Variants in IGF1R observed in about 807,000 individuals in gnomAD.
The protein encoded by IGF1R is insulin-like growth factor 1 receptor.
Under a neutral mutation model 144.6 loss-of-function variants are expected in IGF1R, and 44 were observed. The ratio of observed to expected loss-of-function variants is 0.30; its 90% CI spans 0.24 to 0.39. The LOEUF (loss-of-function observed/expected upper bound fraction) is 0.39, where lower values mean the gene tolerates loss of function less well. IGF1R is among the 10% of genes least tolerant of loss of function. The pLI, the probability that IGF1R is intolerant of heterozygous loss-of-function variation, is 1.00. For missense variants in IGF1R, 1,355 were observed against 1,833.7 expected, an observed-to-expected ratio of 0.74 and a Z score of 4.77; for synonymous variants, 795 against 722.8, an observed-to-expected ratio of 1.10 and a Z score of -1.60.
chr15:98,698,290 G>T (rs553724444), intron 1 of IGF1R, among the ~76,000 whole-genome samples: 2 of 152,172 alleles, frequency 1.3e-5, no homozygotes, highest in Admixed American at 6.5e-5. Flanking sequence ...GCCTGCCTCG[G>T]CCTCCCAAAG....
rs759627092 is a variant in IGF1R, at chr15:98,957,348, G to A, written c.4010G>A (p.Arg1337His). 25 of 1,612,084 alleles carry A rather than the reference G, an allele frequency of 1.6e-5. No homozygotes were observed. Among genetic ancestry groups the A allele is most frequent in the Admixed American group, 6.7e-5 (4 of 59,994 alleles). The change falls in exon 21 of 21, where the codon CGC becomes CAC. Residue 1337 changes from arginine to histidine, a missense_variant. This residue lies in a region of IGF1R where 219 missense variants were observed against 188.8 expected (regional missense o/e 1.16). Coordinates refer to ENST00000650285, the MANE Select transcript of IGF1R (RefSeq NM_000875.5). ...NGPGPGVLVL[R>H]ASFDERQPYA... ...CCCGGCCCTGGGGTGCTGGTCCTCC[G>A]CGCCAGCTTCGACGAGAGACAGCCT...
At chr15:98,665,203 G>T (rs955968066) in intron 1 of IGF1R, among the ~76,000 whole-genome samples, 4 of 152,056 alleles carry the variant, frequency 2.6e-5, no homozygotes, top group African/African-American at 9.7e-5. Context: ...CGCCCACCTC[G>T]GCCTCCCAAA....
intron 19 of IGF1R, among the ~76,000 whole-genome samples, chr15:98,944,210 C>T (rs2016469765): frequency 6.6e-6 from 1 of 152,074 alleles, no homozygotes; most frequent in Admixed American, 6.6e-5. Context: ...AACTATACAG[C>T]CGGGGAGAAC....
chr15:98,659,265 AT>A (rs1457340366), intron 1 of IGF1R, among the ~76,000 whole-genome samples: 1 of 152,136 alleles, frequency 6.6e-6, no homozygotes, highest in African/African-American at 2.4e-5. Flanking sequence ...AACGATGGTC[AT>A]CCCCCTGCAG....
At chr15:98,898,112 C>T (rs753980158) in intron 4 of IGF1R, among the ~76,000 whole-genome samples, 33 of 152,310 alleles carry the variant, frequency 2.2e-4, no homozygotes, top group Middle Eastern at 3.4e-3. Context: ...CCCAGCCCTC[C>T]GTGATGGAGA....
intron 2 of IGF1R, among the ~76,000 whole-genome samples, chr15:98,831,224 C>A: frequency 6.6e-6 from 1 of 152,218 alleles, no homozygotes; most frequent in East Asian, 1.9e-4. Context: ...TAAATGCTTT[C>A]TTTTCCATTT....
chr15:98,753,049 C>T, intron 2 of IGF1R, among the ~76,000 whole-genome samples: 1 of 150,352 alleles, frequency 6.7e-6, no homozygotes, highest in East Asian at 2.0e-4. Flanking sequence ...GATTCTCCTG[C>T]CTCAGCCTCC....
intron 5 of IGF1R, among the ~76,000 whole-genome samples, chr15:98,906,470 C>CT (rs1272339334): frequency 1.3e-5 from 2 of 152,188 alleles, no homozygotes; most frequent in African/African-American, 4.8e-5. Flanking sequence ...CAAGAATGGG[C>CT]TTATGACACA....
intron 1 of IGF1R, among the ~76,000 whole-genome samples, chr15:98,696,770 T>A (rs2053605772): frequency 6.6e-6 from 1 of 152,132 alleles, no homozygotes; most frequent in Non-Finnish European, 1.5e-5. Context: ...GTGATTTTTT[T>A]TGGGAAGCTA....
At chr15:98,888,499 AT>A (rs1480258168) in intron 2 of IGF1R, among the ~76,000 whole-genome samples, 4 of 151,594 alleles carry the variant, frequency 2.6e-5, no homozygotes, top group Admixed American at 2.6e-4. Context: ...GTACATTCAA[AT>A]TTGTGTTATC....
chr15:98,761,935 T>G (rs1402732521), intron 2 of IGF1R, among the ~76,000 whole-genome samples: 1 of 152,252 alleles, frequency 6.6e-6, no homozygotes, highest in Non-Finnish European at 1.5e-5. Context: ...GCTCACTGTT[T>G]AGTGGGAGAA....
At chr15:98,651,140 A>C in intron 1 of IGF1R, 1 of 864,440 alleles carries the variant, frequency 1.2e-6, no homozygotes, top group Non-Finnish European at 1.4e-6. Context: ...AAAAATCACG[A>C]CTGAGCCTTC....
intron 2 of IGF1R, among the ~76,000 whole-genome samples, chr15:98,885,103 C>T (rs1329105634): frequency 6.6e-6 from 1 of 152,200 alleles, no homozygotes; most frequent in Non-Finnish European, 1.5e-5. Flanking sequence ...AAGTCCCTTC[C>T]CCTGGCAGGC....
chr15:98,951,509 A>G (rs1469021420), intron 20 of IGF1R, among the ~76,000 whole-genome samples: 1 of 152,256 alleles, frequency 6.6e-6, no homozygotes, highest in Non-Finnish European at 1.5e-5. Flanking sequence ...AACAGTAAAC[A>G]TGTATTATCT....
chr15:98,649,651 T>C lies in IGF1R; in HGVS notation c.70T>C (p.Ser24Pro). The C allele has an allele frequency of 6.2e-7, 1 of 1,609,928 alleles. No homozygotes were observed. Reference protein sequence around the residue: ...WGLLFLSAALSLWPTSGEICG... With the variant: ...WGLLFLSAALPLWPTSGEICG... The stretch of plus-strand genomic sequence containing the variant: ...GCTCCTGTTTCTCTCCGCCGCGCTC[T>C]CGCTCTGGCCGACGAGTGGAGAAAG... Residue 24 changes from serine to proline, a missense_variant, in exon 1 of 21, where the codon TCG becomes CCG. Ser to Pro is a moderately conservative substitution (Grantham distance 74). Coordinates refer to ENST00000650285, the MANE Select transcript of IGF1R (RefSeq NM_000875.5).
chr15:98,743,496 A>G (rs766965105), intron 2 of IGF1R, among the ~76,000 whole-genome samples: 1 of 152,200 alleles, frequency 6.6e-6, no homozygotes, highest in Non-Finnish European at 1.5e-5. Context: ...GCCACAAACA[A>G]ATAGAACATT....
At chr15:98,721,615 A>G (rs1299535211) in intron 2 of IGF1R, among the ~76,000 whole-genome samples, 1 of 152,184 alleles carries the variant, frequency 6.6e-6, no homozygotes, top group East Asian at 1.9e-4. Flanking sequence ...CTCTCAGGGT[A>G]GTGCACCATG....
rs1351130675 is a variant in IGF1R, at chr15:98,935,403, C to T, written c.3274C>T (p.Arg1092Trp). ...MTRGDLKSYL[R>W]SLRPEMENNP... ...ACGGGGCGATCTCAAAAGTTATCTC[C>T]GGTCTCTGAGGCCAGAAATGGAGGT... Residue 1092 changes from arginine (R) to tryptophan (W), a missense_variant, in exon 17 of 21, where the codon CGG (arginine) becomes TGG (tryptophan). Transcript: ENST00000650285. The surrounding 1 kb of genome is among the most constrained non-coding windows in gnomAD (Gnocchi z 4.2). 3.2e-6 allele frequency: 5 copies of T among 1,550,308 alleles called. No individual in the cohort carries two copies. The highest frequency in any genetic ancestry group is 2.6e-6 in the Non-Finnish European group (3 of 1,145,696).
intron 1 of IGF1R, among the ~76,000 whole-genome samples, chr15:98,651,424 CGTTTAGGTGGT>C (rs1197040548): frequency 6.6e-6 from 1 of 152,078 alleles, no homozygotes; most frequent in Non-Finnish European, 1.5e-5. Flanking sequence ...TTTACTAAGT[CGTTTAGGTGGT>C]GGCTGGGGGG....
Sources: allele counts gnomAD v4.1 joint callset (sites outside exome capture counted in the v4.1 genomes callset), GRCh38; gene constraint gnomAD v4.1.1; regional missense constraint gnomAD v4.1.1; non-coding constraint Gnocchi (gnomAD v3.1); transcripts MANE v1.5; gene names NCBI Gene and HGNC (gene_info 2026-07-23, HGNC 2026-07-21).